PCDHA6: variants seen among roughly 807,000 people sequenced by gnomAD.
The protein encoded by PCDHA6 is protocadherin alpha-6.
Under a neutral mutation model 60.3 loss-of-function variants are expected in PCDHA6, and 55 were observed. That is an observed-to-expected ratio of 0.91 (90% CI 0.73 to 1.14). The LOEUF is 1.14. Ranked by LOEUF, PCDHA6 falls within the 50% of genes most tolerant of loss-of-function variation. The pLI is 0.00. For synonymous variants in PCDHA6, 652 were observed against 557.9 expected (o/e 1.17, Z -2.38); for missense variants, 1,327 against 1,256.5 (o/e 1.06, Z -0.85).
At chr5:140,865,274 A>G (rs1465243720) in intron 1 of PCDHA6, 5 of 152,220 alleles carry the variant, frequency 3.3e-5, no homozygotes, top group African/African-American at 1.2e-4. Flanking sequence ...AATTATATGT[A>G]AAATTACTTT....
intron 1 of PCDHA6, chr5:140,884,171 C>A: frequency 6.2e-7 from 1 of 1,613,414 alleles, no homozygotes; most frequent in Non-Finnish European, 8.5e-7. Flanking sequence ...CAGCACGACG[C>A]GCCCTCTGGA....
intron 1 of PCDHA6, among the ~76,000 whole-genome samples, chr5:140,832,590 A>G (rs1369874784): frequency 6.6e-6 from 1 of 152,206 alleles, no homozygotes; most frequent in Admixed American, 6.5e-5. Flanking sequence ...GGAAGTAGAG[A>G]ACTATAGCGT....
intron 1 of PCDHA6, chr5:140,928,743 G>C: frequency 6.2e-7 from 1 of 1,614,138 alleles, no homozygotes; most frequent in Non-Finnish European, 8.5e-7. Context: ...ATATAGGTGA[G>C]CTCCGTACTG....
intron 1 of PCDHA6, chr5:140,854,253 A>C: frequency 1.3e-5 from 8 of 620,086 alleles, no homozygotes; most frequent in Non-Finnish European, 1.6e-5. Flanking sequence ...CACTTGGTAT[A>C]AAATGTACAT....
chr5:140,837,989 C>T (rs1167865074), intron 1 of PCDHA6, among the ~76,000 whole-genome samples: 3 of 151,358 alleles, frequency 2.0e-5, no homozygotes, highest in Non-Finnish European at 4.4e-5. Context: ...TGCCTTTCAT[C>T]TTTCCTTTTT....
At chr5:140,920,133 C>T (rs1463322279) in intron 1 of PCDHA6, among the ~76,000 whole-genome samples, 1 of 152,178 alleles carries the variant, frequency 6.6e-6, no homozygotes, top group African/African-American at 2.4e-5. Flanking sequence ...AGTTTTAATT[C>T]TCCTCTCCAA....
At chr5:140,971,682 T>C (rs782404162) in intron 1 of PCDHA6, among the ~76,000 whole-genome samples, 5 of 152,156 alleles carry the variant, frequency 3.3e-5, no homozygotes, top group Non-Finnish European at 4.4e-5. Flanking sequence ...AGTAAGGGAA[T>C]TTGTACTCAC....
chr5:140,967,628 T>C (rs1341456967), intron 1 of PCDHA6: 3 of 1,613,984 alleles, frequency 1.9e-6, no homozygotes, highest in Non-Finnish European at 2.5e-6. Context: ...GGATGAGGGC[T>C]CCAATGGTGA....
intron 3 of PCDHA6, among the ~76,000 whole-genome samples, chr5:140,996,121 G>A (rs2097712758): frequency 6.6e-6 from 1 of 152,212 alleles, no homozygotes; most frequent in Admixed American, 6.5e-5. Flanking sequence ...GTGCAGGGTG[G>A]TGTAGAGGGT....
At chr5:140,896,000 AG>A (rs1239259521) in intron 1 of PCDHA6, among the ~76,000 whole-genome samples, 1 of 152,064 alleles carries the variant, frequency 6.6e-6, no homozygotes, top group Non-Finnish European at 1.5e-5. Flanking sequence ...AAGTAGAGAC[AG>A]GGTTTCTCCA....
chr5:140,922,176 CAA>C lies in PCDHA6; in HGVS notation c.2395-56765_2395-56764del, dbSNP rs3836750. ...CAAAAACAACAAAAAGTACAGCAGACAAAAAAAAAGTCTTATCTTTAATGAAA... is the reference window on the plus strand; with the variant it reads ...CAAAAACAACAAAAAGTACAGCAGACAAAAAAAGTCTTATCTTTAATGAAA... On this transcript the variant is annotated intron_variant, in intron 1 of 3. Coordinates refer to ENST00000529310, the MANE Select transcript of PCDHA6 (RefSeq NM_018909.4). 2.6e-3 allele frequency among the ~76,000 whole-genome samples: 394 copies of C among 150,816 alleles called. 1 individual carries two copies. The highest frequency in any genetic ancestry group is 9.1e-3 in the African/African-American group (376 of 41,132).
At chr5:140,915,028 T>C (rs1583932096) in intron 1 of PCDHA6, among the ~76,000 whole-genome samples, 1 of 150,922 alleles carries the variant, frequency 6.6e-6, no homozygotes, top group Non-Finnish European at 1.5e-5. Context: ...TCACTGCAAC[T>C]TCTGCCTCCT....
chr5:140,867,527 T>C (rs1238140449), intron 1 of PCDHA6: 1 of 152,106 alleles, frequency 6.6e-6, no homozygotes, highest in Non-Finnish European at 1.5e-5. Context: ...TAGTTGAATA[T>C]ATATATAAAA....
chr5:140,884,339 G>C, intron 1 of PCDHA6: 1 of 1,613,906 alleles, frequency 6.2e-7, no homozygotes, highest in African/African-American at 1.3e-5. Flanking sequence ...GGGTCCAGAA[G>C]CGGCGCTGGT....
At chr5:140,880,822 A>G (rs893258483) in intron 1 of PCDHA6, among the ~76,000 whole-genome samples, 1 of 152,206 alleles carries the variant, frequency 6.6e-6, no homozygotes, top group Non-Finnish European at 1.5e-5. Context: ...GAGTGTCTGG[A>G]AGGGCATATT....
At chr5:140,980,842 T>C (rs376646751) in intron 2 of PCDHA6, among the ~76,000 whole-genome samples, 2 of 152,328 alleles carry the variant, frequency 1.3e-5, no homozygotes, top group Non-Finnish European at 2.9e-5. Flanking sequence ...ACCTAAATAA[T>C]ACTAATCTTT....
intron 3 of PCDHA6, among the ~76,000 whole-genome samples, chr5:140,996,886 T>C (rs1396322934): frequency 6.6e-6 from 1 of 152,218 alleles, no homozygotes; most frequent in Non-Finnish European, 1.5e-5. Context: ...TATTTTTAAA[T>C]AAAATAGAAT....
chr5:140,857,042 C>A, intron 1 of PCDHA6: 1 of 1,595,550 alleles, frequency 6.3e-7, no homozygotes, highest in South Asian at 1.1e-5. Flanking sequence ...TATGGTTGGT[C>A]ACTGCACGGT....
intron 3 of PCDHA6, among the ~76,000 whole-genome samples, chr5:141,007,992 C>T (rs1215200964): frequency 1.3e-5 from 2 of 152,132 alleles, no homozygotes; most frequent in Admixed American, 6.5e-5. Context: ...ATGAAATGTA[C>T]ATGTTAATAA....
Sources: gnomAD v4.1 joint callset for allele counts (sites outside exome capture counted in the v4.1 genomes callset) on GRCh38, gnomAD v4.1.1 for gene constraint, MANE v1.5 for transcripts, NCBI Gene and HGNC (gene_info 2026-07-23, HGNC 2026-07-21) for gene names.